The following PARD3B variants were observed in gnomAD, a reference collection of about 807,000 sequenced individuals.
PARD3B encodes partitioning defective 3 homolog B.
PARD3B carries 103 observed loss-of-function variants against 130.2 expected under a neutral mutation model. That is an observed-to-expected ratio of 0.79 (90% confidence interval 0.67 to 0.93). The LOEUF (loss-of-function observed/expected upper bound fraction) is 0.93. Ranked by LOEUF, PARD3B falls within the 40% of genes least tolerant of loss-of-function variation. PARD3B has a pLI of 0.00. For synonymous variants in PARD3B, 583 were observed against 553.2 expected (o/e 1.05, Z -0.76); for missense variants, 1,609 against 1,499.2 (o/e 1.07, Z -1.21).
intron 2 of PARD3B, among the ~76,000 whole-genome samples, chr2:204,925,592 A>T (rs190550275): frequency 4.4e-4 from 67 of 152,256 alleles, no homozygotes; most frequent in South Asian, 1.4e-3. Context: ...AACGAGTCAA[A>T]ACTGTTTTTC....
intron 20 of PARD3B, among the ~76,000 whole-genome samples, chr2:205,492,195 A>G (rs1286603036): frequency 6.6e-6 from 1 of 152,218 alleles, no homozygotes; most frequent in Non-Finnish European, 1.5e-5. Context: ...ATGCTGAAGC[A>G]TTGTTTCCTC....
At chr2:205,098,799 AC>A (rs1702563190) in intron 4 of PARD3B, among the ~76,000 whole-genome samples, 1 of 152,102 alleles carries the variant, frequency 6.6e-6, no homozygotes, top group African/African-American at 2.4e-5. Flanking sequence ...AAATGTAAAC[AC>A]CTTTACTTTC....
intron 16 of PARD3B, among the ~76,000 whole-genome samples, chr2:205,266,092 C>A (rs1040102753): frequency 6.6e-6 from 1 of 152,002 alleles, no homozygotes; most frequent in African/African-American, 2.4e-5. Flanking sequence ...TGTTCTTTGC[C>A]TTTTAGACTT....
chr2:204,582,723 A>G (rs1179654855), intron 1 of PARD3B, among the ~76,000 whole-genome samples: 2 of 152,306 alleles, frequency 1.3e-5, no homozygotes, highest in East Asian at 3.9e-4. Flanking sequence ...GAGGTTTTCT[A>G]TACAGCTTGA....
chr2:204,861,162 T>TTCTCTCTC lies in PARD3B; in HGVS notation c.223-103945_223-103938dup, dbSNP rs60740602. Among the ~76,000 whole-genome samples the TTCTCTCTC allele has an allele frequency of 5.2e-3, 478 of 91,318 alleles. 19 individuals are homozygous for TTCTCTCTC. The highest frequency in any genetic ancestry group is 0.01 in the East Asian group (30 of 2,968). 59.9% of individuals were successfully genotyped at this position (91,318 alleles called of 152,430 possible). ...TTTCACCTATTGCTACCTAATACCT[T>TTCTCTCTC]TCTCTCTCTCTCTCTCTCTCTCTCT... On this transcript the variant is annotated intron_variant, in intron 2 of 22. Transcript: ENST00000406610.
chr2:204,552,410 G>T (rs899722427), intron 1 of PARD3B, among the ~76,000 whole-genome samples: 1 of 152,180 alleles, frequency 6.6e-6, no homozygotes, highest in Non-Finnish European at 1.5e-5. Context: ...TGGAGAGTGG[G>T]CCAAGAAGGA....
chr2:204,547,098 A>G (rs2030019818), intron 1 of PARD3B, among the ~76,000 whole-genome samples: 1 of 152,228 alleles, frequency 6.6e-6, no homozygotes, highest in Non-Finnish European at 1.5e-5. Context: ...GTCTCGTGCC[A>G]TGTGACTAAA....
rs1317220714 is a variant in PARD3B, at chr2:204,678,535, G to A, written c.121-7646G>A. On this transcript the variant is annotated intron_variant, in intron 1 of 22. Coordinates refer to ENST00000406610, the MANE Select transcript of PARD3B (RefSeq NM_001302769.2). The surrounding 1 kb of genome is among the most constrained non-coding windows in gnomAD (Gnocchi z 4.2). ...AGGAGCTAGAGCGGGGATGGTGCGG[G>A]AAGAAAGTAGTCTTTCCTTGAAGCC... Among the ~76,000 whole-genome samples the A allele has an allele frequency of 1.1e-4, 16 of 152,276 alleles. No homozygotes were observed. The East Asian group carries it at 3.1e-3, about 29-fold the overall frequency.
intron 19 of PARD3B, among the ~76,000 whole-genome samples, chr2:205,406,390 G>A (rs1241446677): frequency 6.6e-6 from 1 of 152,122 alleles, no homozygotes. Flanking sequence ...AAATTAGGGT[G>A]CAGTATGAGG....
rs181710442 is a variant in PARD3B at position 205,333,860 on chromosome 2, T to G, written c.2630+32159T>G. Among the ~76,000 whole-genome samples the G allele has an allele frequency of 2.8e-3, 431 of 152,266 alleles. 1 individual carries two copies. The highest frequency in any genetic ancestry group is 4.8e-3 in the Admixed American group (74 of 15,280). ...CTTGTTATTCTGGTATGTCAGGAGTTCATCAAAGGTATATTTGTTACTGAA... is the reference window on the plus strand; with the variant it reads ...CTTGTTATTCTGGTATGTCAGGAGTGCATCAAAGGTATATTTGTTACTGAA... On this transcript the variant is annotated intron_variant, in intron 18 of 22. Transcript: ENST00000406610.
At chr2:205,435,921 T>C (rs2047497801) in intron 19 of PARD3B, among the ~76,000 whole-genome samples, 1 of 152,172 alleles carries the variant, frequency 6.6e-6, no homozygotes, top group African/African-American at 2.4e-5. Context: ...CTTAGTCCAT[T>C]TTTGCTGCTA....
chr2:204,895,638 G>A (rs988178436), intron 2 of PARD3B, among the ~76,000 whole-genome samples: 44 of 151,926 alleles, frequency 2.9e-4, no homozygotes, highest in Admixed American at 6.6e-4. Flanking sequence ...TTCAAACTTA[G>A]TGAGCTCCCC....
chr2:204,879,883 G>C (rs1403415269), intron 2 of PARD3B, among the ~76,000 whole-genome samples: 1 of 152,216 alleles, frequency 6.6e-6, no homozygotes, highest in Non-Finnish European at 1.5e-5. Context: ...GCCAGTGCTG[G>C]ATTGAGTATC....
chr2:205,328,817 A>G (rs2043018967), intron 18 of PARD3B, among the ~76,000 whole-genome samples: 1 of 152,294 alleles, frequency 6.6e-6, no homozygotes, highest in East Asian at 1.9e-4. Context: ...GAACCATATC[A>G]TATGTCTTCT....
chr2:205,322,188 G>A (rs1239709858), intron 18 of PARD3B, among the ~76,000 whole-genome samples: 1 of 152,138 alleles, frequency 6.6e-6, no homozygotes. Flanking sequence ...AAACATAAAT[G>A]CACAAAGATA....
intron 2 of PARD3B, among the ~76,000 whole-genome samples, chr2:204,898,303 AC>A (rs1479671952): frequency 6.6e-6 from 1 of 151,962 alleles, no homozygotes; most frequent in Admixed American, 6.6e-5. Context: ...TTTTTATGTT[AC>A]ATACAATCCA....
At chr2:205,364,163 G>C (rs1378132185) in intron 18 of PARD3B, among the ~76,000 whole-genome samples, 4 of 152,126 alleles carry the variant, frequency 2.6e-5, no homozygotes, top group Non-Finnish European at 5.9e-5. Flanking sequence ...TTTTGCATTT[G>C]TCTATTGACT....
intron 2 of PARD3B, among the ~76,000 whole-genome samples, chr2:204,919,330 GTGTCATGTAAACTCC>G (rs1298407965): frequency 6.6e-6 from 1 of 152,170 alleles, no homozygotes; most frequent in Non-Finnish European, 1.5e-5. Context: ...GTATGTATCT[GTGTCATGTAAACTCC>G]TATCAAGATA....
chr2:205,538,427 C>A (rs2051961776), intron 21 of PARD3B, among the ~76,000 whole-genome samples: 1 of 152,076 alleles, frequency 6.6e-6, no homozygotes, highest in Non-Finnish European at 1.5e-5. Flanking sequence ...TTAGACTTCT[C>A]TAGGCATTGT....
Sources: allele counts gnomAD v4.1 joint callset (sites outside exome capture counted in the v4.1 genomes callset), GRCh38; gene constraint gnomAD v4.1.1; non-coding constraint Gnocchi (gnomAD v3.1); transcripts MANE v1.5; gene names NCBI Gene and HGNC (gene_info 2026-07-23, HGNC 2026-07-21).